PALLD: variants seen among roughly 807,000 people sequenced by gnomAD.
The protein encoded by PALLD is palladin.
A neutral mutation model predicts 123.5 loss-of-function variants in PALLD; 61 were observed. The ratio of observed to expected loss-of-function variants is 0.49; its 90% CI spans 0.40 to 0.61. The LOEUF is 0.61. PALLD is among the 20% of genes least tolerant of loss of function. The pLI, the probability that PALLD is intolerant of heterozygous loss-of-function variation, is 0.00. For synonymous variants in PALLD, 465 were observed against 496.4 expected (o/e 0.94, Z 0.84); for missense variants, 1,273 against 1,377.0 (o/e 0.92, Z 1.20).
intron 10 of PALLD, among the ~76,000 whole-genome samples, chr4:168,741,556 A>G (rs975649947): frequency 3.3e-5 from 5 of 152,096 alleles, no homozygotes; most frequent in African/African-American, 1.2e-4. Flanking sequence ...ATGGTGGCTC[A>G]TGCCTGTAGT....
At chr4:168,668,062 ATT>A in intron 2 of PALLD, 126 bp from the exon 3 acceptor site, 1 of 754,608 alleles carries the variant, frequency 1.3e-6, no homozygotes, top group Non-Finnish European at 2.3e-6. Flanking sequence ...TAACACTGAC[ATT>A]GTTTTTTTTT....
intron 10 of PALLD, among the ~76,000 whole-genome samples, chr4:168,846,653 C>G (rs753840334): frequency 3.9e-5 from 6 of 152,110 alleles, no homozygotes; most frequent in African/African-American, 4.8e-5. Flanking sequence ...TGACTGATTA[C>G]CATTCAAATA....
rs375970126 is a variant in PALLD at position 168,915,938 on chromosome 4, A to G, written c.2761A>G (p.Ile921Val). 8 of 1,613,206 alleles carry G rather than the reference A, an allele frequency of 5.0e-6. No individual in the cohort carries two copies. The Middle Eastern group carries it at 4.9e-4, about 99-fold the overall frequency. ...SRDSGDENEP[I>V]QERFFRPHFL... is the part of the protein sequence containing the mutation. The stretch of plus-strand genomic sequence containing the variant: ...GGACAGTGGAGACGAAAATGAACCA[A>G]TTCAGGAGCGATTCTTCAGACCTCA... Residue 921 changes from isoleucine (I) to valine (V), a missense_variant, in exon 17 of 22, where the codon ATT becomes GTT. By Grantham distance (29) the Ile-to-Val change is conservative. Coordinates refer to ENST00000505667, the MANE Select transcript of PALLD (RefSeq NM_001166108.2).
intron 2 of PALLD, among the ~76,000 whole-genome samples, chr4:168,646,720 A>G (rs1472629198): frequency 6.6e-6 from 1 of 152,226 alleles, no homozygotes; most frequent in Admixed American, 6.5e-5. Context: ...GATTACAGAA[A>G]CATCCTATTT....
chr4:168,509,545 C>T (rs1220011062), intron 1 of PALLD, among the ~76,000 whole-genome samples: 1 of 152,090 alleles, frequency 6.6e-6, no homozygotes, highest in Non-Finnish European at 1.5e-5. Context: ...TAACTGGAGA[C>T]CAGTCAGGAT....
chr4:168,586,505 C>G (rs541425718), intron 2 of PALLD, among the ~76,000 whole-genome samples: 190 of 152,254 alleles, frequency 1.2e-3, no homozygotes, highest in African/African-American at 3.7e-3. Context: ...AGAGGAGGAG[C>G]GAATCCCTCT....
At chr4:168,604,481 C>A (rs10005190) in intron 2 of PALLD, among the ~76,000 whole-genome samples, 4,722 of 152,192 alleles carry the variant, frequency 0.031, 253 homozygotes, top group African/African-American at 0.11. Flanking sequence ...TATAACAGTG[C>A]CTGAATTTGA....
At chr4:168,900,726 A>G (rs1450616083) in intron 14 of PALLD, among the ~76,000 whole-genome samples, 2 of 152,214 alleles carry the variant, frequency 1.3e-5, no homozygotes, top group Non-Finnish European at 2.9e-5. Flanking sequence ...GATTTTTAAA[A>G]TAAACTCCAT....
At chr4:168,803,937 G>T (rs1325843253) in intron 10 of PALLD, among the ~76,000 whole-genome samples, 2 of 152,150 alleles carry the variant, frequency 1.3e-5, no homozygotes, top group East Asian at 3.9e-4. Flanking sequence ...TTTTCCTGTG[G>T]CTAAAGGATT....
At chr4:168,899,734 T>C (rs889061753) in intron 14 of PALLD, among the ~76,000 whole-genome samples, 2 of 151,968 alleles carry the variant, frequency 1.3e-5, no homozygotes, top group African/African-American at 2.4e-5. Flanking sequence ...CTGGCCAACA[T>C]GGTGAAACCC....
At chr4:168,718,937 T>C (rs1785656331) in intron 10 of PALLD, among the ~76,000 whole-genome samples, 1 of 149,472 alleles carries the variant, frequency 6.7e-6, no homozygotes, top group Admixed American at 6.8e-5. Flanking sequence ...AGACGGAGTC[T>C]CGCTCTGTTG....
chr4:168,923,842 A>G (rs904103251), intron 18 of PALLD, among the ~76,000 whole-genome samples: 3 of 152,218 alleles, frequency 2.0e-5, no homozygotes, highest in African/African-American at 7.2e-5. Flanking sequence ...GAGGGAATCT[A>G]AGTGGTCAAA....
chr4:168,542,996 T>C (rs1460646856), intron 2 of PALLD, among the ~76,000 whole-genome samples: 1 of 151,870 alleles, frequency 6.6e-6, no homozygotes, highest in African/African-American at 2.4e-5. Flanking sequence ...CTGCTGTCTT[T>C]TGATATATTA....
chr4:168,816,817 CGTGTGTGTGTGTGTGTGTGTGTGTGT>C (rs61010592), intron 10 of PALLD, among the ~76,000 whole-genome samples: 8 of 111,028 alleles, frequency 7.2e-5, no homozygotes, highest in Admixed American at 1.9e-4. Context: ...GAGCTAGCCC[CGTGTGTGTGTGTGTGTGTGTGTGTGT>C]GTGTGTGTGT....
intron 2 of PALLD, among the ~76,000 whole-genome samples, chr4:168,621,604 A>G (rs1385696724): frequency 6.6e-6 from 1 of 152,164 alleles, no homozygotes; most frequent in Non-Finnish European, 1.5e-5. Context: ...GAATTTGTAA[A>G]GACCATATTA....
rs189021816 is a variant in PALLD at position 168,924,283 on chromosome 4, T to A, written c.3087T>A (p.Phe1029Leu). 28 of 1,614,014 alleles carry A rather than the reference T, an allele frequency of 1.7e-5. No individual in the cohort carries two copies. In the Admixed American group the frequency reaches 4.7e-4, roughly 27 times the overall value. ...AAKEAHKPPV[F>L]IEKLQNTGVA... is the part of the protein sequence containing the mutation. ...AAGAAGCACACAAACCCCCTGTGTTTATTGAGAAGCTCCAAAACACAGGAG... is the reference window on the plus strand; with the variant it reads ...AAGAAGCACACAAACCCCCTGTGTTAATTGAGAAGCTCCAAAACACAGGAG... The change falls in exon 19 of 22, where the codon TTT becomes TTA. Residue 1029 changes from phenylalanine (F) to leucine (L), a missense_variant. By Grantham distance (22) the Phe-to-Leu change is conservative. Transcript: ENST00000505667.
intron 2 of PALLD, among the ~76,000 whole-genome samples, chr4:168,647,550 G>A (rs1253902318): frequency 1.3e-5 from 2 of 152,164 alleles, no homozygotes; most frequent in African/African-American, 2.4e-5. Context: ...GGAGGCCAAG[G>A]CAGGCACGTC....
Position 168,759,203 on chromosome 4 carries a change from ATATAT to A in PALLD, c.1964+47281_1964+47285del, listed in dbSNP as rs1358135902. Among the ~76,000 whole-genome samples, 28 of 39,492 alleles carry A rather than the reference ATATAT, an allele frequency of 7.1e-4. 1 individual carries two copies. The highest frequency in any genetic ancestry group is 3.1e-3 in the African/African-American group (23 of 7,486). The allele number at this position is 39,492 out of a possible 152,430, so 25.9% of individuals were successfully genotyped here. On this transcript the variant is annotated intron_variant, in intron 10 of 21. Coordinates refer to ENST00000505667, the MANE Select transcript of PALLD (RefSeq NM_001166108.2). The stretch of plus-strand genomic sequence containing the variant: ...TCAAAAAAAAAAAAAAAAAAAAAAA[ATATAT>A]ATATATATATATATATATATATATA...
chr4:168,614,107 C>A (rs1262635186), intron 2 of PALLD, among the ~76,000 whole-genome samples: 2 of 152,186 alleles, frequency 1.3e-5, no homozygotes, highest in Non-Finnish European at 2.9e-5. Context: ...CAGAGAATCT[C>A]CAGTCTCAGG....
Sources: allele counts gnomAD v4.1 joint callset (sites outside exome capture counted in the v4.1 genomes callset), GRCh38; gene constraint gnomAD v4.1.1; transcripts MANE v1.5; gene names NCBI Gene and HGNC (gene_info 2026-07-23, HGNC 2026-07-21).